The following LRP12 variants were observed in gnomAD, a reference collection of about 807,000 sequenced individuals.
LRP12 encodes the protein low-density lipoprotein receptor-related protein 12.
A neutral mutation model predicts 66.0 loss-of-function variants in LRP12; 14 were observed. The observed-to-expected ratio is 0.21, with a 90% CI of 0.14 to 0.33. The LOEUF (loss-of-function observed/expected upper bound fraction) is 0.33. Ranked by LOEUF, LRP12 falls within the 10% of genes least tolerant of loss-of-function variation. The probability of loss-of-function intolerance (pLI) is 1.00; values close to 1 mark genes in which losing one functional copy is unlikely to be tolerated. For synonymous variants in LRP12, 357 were observed against 359.1 expected (o/e 0.99, Z 0.07); for missense variants, 889 against 1,053.4 (o/e 0.84, Z 2.16).
intron 2 of LRP12, among the ~76,000 whole-genome samples, chr8:104,512,993 T>A (rs926739150): frequency 9.2e-5 from 14 of 152,320 alleles, no homozygotes; most frequent in African/African-American, 3.4e-4. Flanking sequence ...ATATATATAT[T>A]GATTTAGTTA....
intron 1 of LRP12, among the ~76,000 whole-genome samples, chr8:104,561,519 T>C (rs1392081911): frequency 1.3e-5 from 2 of 152,184 alleles, no homozygotes; most frequent in African/African-American, 4.8e-5. Context: ...CCACATTCAT[T>C]AACAAAAATT....
intron 1 of LRP12, among the ~76,000 whole-genome samples, chr8:104,576,799 A>G (rs1812171909): frequency 6.6e-6 from 1 of 152,186 alleles, no homozygotes; most frequent in African/African-American, 2.4e-5. Context: ...GCCCCAAGTA[A>G]AAGACACAGA....
chr8:104,546,116 G>C (rs78450408), intron 1 of LRP12, among the ~76,000 whole-genome samples: 6 of 152,128 alleles, frequency 3.9e-5, no homozygotes, highest in African/African-American at 1.2e-4. Flanking sequence ...CTTGTAACTG[G>C]GGCTCAGAGG....
intron 2 of LRP12, among the ~76,000 whole-genome samples, chr8:104,513,481 T>C (rs1811026908): frequency 6.6e-6 from 1 of 152,224 alleles, no homozygotes; most frequent in South Asian, 2.1e-4. Context: ...CTTTGCATTT[T>C]TTCTCTGACC....
At chr8:104,548,306 A>C (rs1262671917) in intron 1 of LRP12, among the ~76,000 whole-genome samples, 1 of 39,394 alleles carries the variant, frequency 2.5e-5, no homozygotes, top group Non-Finnish European at 3.9e-5. Flanking sequence ...TATATAATAT[A>C]TATTATATAA....
intron 2 of LRP12, among the ~76,000 whole-genome samples, chr8:104,528,497 G>A (rs943368106): frequency 9.2e-5 from 14 of 152,248 alleles, no homozygotes; most frequent in South Asian, 4.1e-4. Flanking sequence ...CAATGAGGCC[G>A]GGCACGGTGG....
chr8:104,573,832 G>A (rs1202330897), intron 1 of LRP12, among the ~76,000 whole-genome samples: 1 of 151,970 alleles, frequency 6.6e-6, no homozygotes, highest in East Asian at 1.9e-4. Context: ...TAGGTTACAG[G>A]AAGGAAAAAA....
intron 1 of LRP12, among the ~76,000 whole-genome samples, chr8:104,560,355 G>GT (rs1811885195): frequency 6.6e-6 from 1 of 151,850 alleles, no homozygotes; most frequent in Non-Finnish European, 1.5e-5. Flanking sequence ...ATGTCCCTCT[G>GT]TCAATCGTGC....
chr8:104,562,299 A>G (rs536959087), intron 1 of LRP12, among the ~76,000 whole-genome samples: 11 of 152,144 alleles, frequency 7.2e-5, no homozygotes, highest in Non-Finnish European at 1.6e-4. Flanking sequence ...AGAGCCTGGA[A>G]AACACTCCAA....
chr8:104,489,549 T>G lies in LRP12; in HGVS notation c.*1124A>C, dbSNP rs1810584286. On this transcript the variant is annotated 3_prime_UTR_variant, in exon 7 of 7. Coordinates refer to ENST00000276654, the MANE Select transcript of LRP12 (RefSeq NM_013437.5). ...AGGGGGGATGATCTGAATGATTTCT[T>G]AATTTTCTTTTGAGAGTGTAGCATG... 1 of 152,284 alleles carries G rather than the reference T, an allele frequency of 6.6e-6. No individual in the cohort carries two copies. Among genetic ancestry groups the G allele is most frequent in the Non-Finnish European group, 1.5e-5 (1 of 67,998 alleles). 9.4% of individuals were successfully genotyped at this position (152,284 alleles called of 1,614,324 possible). A position where few individuals can be genotyped will look rare whatever the true frequency, so the allele number is the denominator to read the frequency against.
At chr8:104,510,104 A>G (rs975439651) in intron 2 of LRP12, among the ~76,000 whole-genome samples, 1 of 152,210 alleles carries the variant, frequency 6.6e-6, no homozygotes, top group African/African-American at 2.4e-5. Context: ...TATTTTCTTT[A>G]TCATAAACTA....
chr8:104,562,381 C>T (rs899740486), intron 1 of LRP12, among the ~76,000 whole-genome samples: 17 of 152,098 alleles, frequency 1.1e-4, no homozygotes, highest in African/African-American at 3.9e-4. Flanking sequence ...ATGTTAATTA[C>T]AGCATTATGT....
intron 1 of LRP12, among the ~76,000 whole-genome samples, chr8:104,533,287 T>C (rs984980059): frequency 1.3e-5 from 2 of 152,074 alleles, no homozygotes; most frequent in Non-Finnish European, 2.9e-5. Flanking sequence ...AGAAAGACTG[T>C]ACCCATTTCT....
Position 104,491,212 on chromosome 8 carries a change from G to A in LRP12, c.2041C>T (p.Pro681Ser). Reference sequence around the variant, plus strand: ...ACTGTCGCTTCTACTGCCGTTGTGGGAGGGACTTTTTGAGGCAAAGGAGCT... The same window carrying A: ...ACTGTCGCTTCTACTGCCGTTGTGGAAGGGACTTTTTGAGGCAAAGGAGCT... ...VAAPLPQKVP[P>S]TTAVEATVGA... Residue 681 changes from proline (P) to serine (S), a missense_variant, in exon 7 of 7, where the codon CCC (proline) becomes TCC (serine). By Grantham distance (74) the Pro-to-Ser change is moderately conservative. Transcript: ENST00000276654. The A allele has an allele frequency of 6.2e-7, 1 of 1,614,064 alleles. No individual in the cohort carries two copies. Among genetic ancestry groups the A allele is most frequent in the African/African-American group, 1.3e-5 (1 of 75,022 alleles).
rs1325098375 is a variant in LRP12, at chr8:104,589,053, G to A, written c.-156C>T. On this transcript the variant is annotated 5_prime_UTR_variant, in exon 1 of 7. Transcript: ENST00000276654. The stretch of plus-strand genomic sequence containing the variant: ...CGGCTGCGGGAGGGGGAAGGGAGGG[G>A]CCGCCGCCGCCCGCGCGCGCTCCCT... 2 of 347,256 alleles carry A rather than the reference G, an allele frequency of 5.8e-6. No homozygotes were observed. The highest frequency in any genetic ancestry group is 1.0e-5 in the Non-Finnish European group (2 of 198,176). 21.5% of individuals were successfully genotyped at this position (347,256 alleles called of 1,614,324 possible).
intron 1 of LRP12, among the ~76,000 whole-genome samples, chr8:104,587,976 T>C (rs569652183): frequency 5.3e-5 from 8 of 152,336 alleles, no homozygotes; most frequent in Admixed American, 3.9e-4. Context: ...TAGATGTTCT[T>C]TGCAATTAAT....
intron 1 of LRP12, among the ~76,000 whole-genome samples, chr8:104,571,942 T>G (rs556733927): frequency 1.7e-3 from 255 of 152,262 alleles, no homozygotes; most frequent in Non-Finnish European, 3.0e-3. Flanking sequence ...CCTAGAGAAA[T>G]AAAAACTTAT....
At chr8:104,543,933 A>AC (rs1811515980) in intron 1 of LRP12, among the ~76,000 whole-genome samples, 1 of 152,208 alleles carries the variant, frequency 6.6e-6, no homozygotes, top group Non-Finnish European at 1.5e-5. Flanking sequence ...AAACAAAACA[A>AC]AACAACAACA....
chr8:104,495,226 A>G lies in LRP12; in HGVS notation c.1581-17T>C. 6.2e-7 allele frequency: 1 copy of G among 1,602,252 alleles called. No individual in the cohort carries two copies. Among genetic ancestry groups the G allele is most frequent in the Non-Finnish European group, 8.5e-7 (1 of 1,175,536 alleles). On this transcript the variant is annotated splice_polypyrimidine_tract_variant and intron_variant, in intron 5 of 6. Transcript: ENST00000276654. ...TCAAATGATCTTTGAGAGTAGATGG[A>G]AAGAAAAATGATTAAAAGGGGGAGC...
Sources: gnomAD v4.1 joint callset for allele counts (sites outside exome capture counted in the v4.1 genomes callset) on GRCh38, gnomAD v4.1.1 for gene constraint, MANE v1.5 for transcripts, NCBI Gene and HGNC (gene_info 2026-07-23, HGNC 2026-07-21) for gene names.